KLHDC10: variants seen among roughly 807,000 people sequenced by gnomAD.
The protein encoded by KLHDC10 is kelch domain containing 10.
In KLHDC10, 24 loss-of-function variants were observed where a neutral mutation model predicts 56.1. The observed-to-expected ratio is 0.43, with a 90% CI of 0.31 to 0.60. KLHDC10 has a LOEUF of 0.60. KLHDC10 is among the 20% of genes least tolerant of loss of function. The pLI, the probability that KLHDC10 is intolerant of heterozygous loss-of-function variation, is 0.11. For synonymous variants in KLHDC10, 188 were observed against 207.1 expected, an observed-to-expected ratio of 0.91 and a Z score of 0.79; for missense variants, 349 against 567.0, an observed-to-expected ratio of 0.62 and a Z score of 3.91.
chr7:130,124,662 TTTTGTGTTGG>T, intron 6 of KLHDC10, 127 bp downstream of exon 6: 1 of 580,170 alleles, frequency 1.7e-6, no homozygotes, highest in Non-Finnish European at 3.1e-6. Context: ...TTAACACCTA[TTTTGTGTTGG>T]ATGCACTTTA....
rs1398659408 is a variant in KLHDC10, at chr7:130,116,872, A to C, written c.475+206A>C. Among the ~76,000 whole-genome samples the C allele has an allele frequency of 6.6e-6, 1 of 152,212 alleles. No homozygotes were observed. The highest frequency in any genetic ancestry group is 6.5e-5 in the Admixed American group (1 of 15,278). ...GAATTCAGCTTGTCAGGTGAGTTTTAGCTTTAATTTCCTAACTTGCAAAAT... is the reference window on the plus strand; with the variant it reads ...GAATTCAGCTTGTCAGGTGAGTTTTCGCTTTAATTTCCTAACTTGCAAAAT... On this transcript the variant is annotated intron_variant, in intron 3 of 9. Coordinates refer to ENST00000335420, the MANE Select transcript of KLHDC10 (RefSeq NM_014997.4). This position sits in a 1 kb window ranked among gnomAD's most constrained non-coding sequence, Gnocchi z 4.8.
rs1235712637 is a variant in KLHDC10 at position 130,108,623 on chromosome 7, G to A, written c.254-7822G>A. On this transcript the variant is annotated intron_variant, in intron 2 of 9. Coordinates refer to ENST00000335420, the MANE Select transcript of KLHDC10 (RefSeq NM_014997.4). Reference sequence around the variant, plus strand: ...TGGTCCCAGCACTCATCAGGATGCTGAGGTGGAAGGATCGCTTGAGCTCGG... The same window carrying A: ...TGGTCCCAGCACTCATCAGGATGCTAAGGTGGAAGGATCGCTTGAGCTCGG... 2.7e-5 allele frequency among the ~76,000 whole-genome samples: 4 copies of A among 150,260 alleles called. No individual in the cohort carries two copies. The East Asian group carries it at 7.9e-4, about 29-fold the overall frequency.
intron 1 of KLHDC10, among the ~76,000 whole-genome samples, chr7:130,088,212 T>C (rs1335192363): frequency 6.6e-6 from 1 of 152,208 alleles, no homozygotes; most frequent in Non-Finnish European, 1.5e-5. Context: ...TGGAAGGCAT[T>C]GCATTTGCCA....
rs1796393241 is a variant in KLHDC10, at chr7:130,131,026, A to G, written c.*280A>G. The stretch of plus-strand genomic sequence containing the variant: ...CGATGGAGTTAAGGGAAAGCCTGAA[A>G]GTACCTTAATAATGTTATTAATCAA... On this transcript the variant is annotated 3_prime_UTR_variant, in exon 10 of 10. Transcript: ENST00000335420. The G allele has an allele frequency of 2.9e-6, 1 of 341,838 alleles. No individual in the cohort carries two copies. Among genetic ancestry groups the G allele is most frequent in the African/African-American group, 2.0e-5 (1 of 49,438 alleles). The allele number at this position is 341,838 out of a possible 1,614,324, so 21.2% of individuals were successfully genotyped here. A position where few individuals can be genotyped will look rare whatever the true frequency, so the allele number is the denominator to read the frequency against.
At position 130,130,676 on chromosome 7, in the gene KLHDC10, T is replaced by C; in HGVS notation, c.1259T>C (p.Leu420Pro). The C allele has an allele frequency of 1.2e-6, 2 of 1,614,124 alleles. No individual in the cohort carries two copies. The highest frequency in any genetic ancestry group is 1.7e-6 in the Non-Finnish European group (2 of 1,180,016). ...WEKLLAAFPNLANLSRTQLLH... is the reference protein window; with the variant it reads ...WEKLLAAFPNPANLSRTQLLH... ...AAGCTGCTTGCGGCCTTCCCTAACC[T>C]TGCAAACCTCTCCCGAACACAACTT... is the stretch of plus-strand genomic sequence containing the variant. Residue 420 changes from leucine (L) to proline (P), a missense_variant, in exon 10 of 10, where the codon CTT becomes CCT. By Grantham distance (98) the Leu-to-Pro change is moderately conservative. Transcript: ENST00000335420. The surrounding 1 kb of genome is among the most constrained non-coding windows in gnomAD (Gnocchi z 4.2).
intron 1 of KLHDC10, among the ~76,000 whole-genome samples, chr7:130,079,159 G>C (rs1795562684): frequency 2.0e-5 from 3 of 151,816 alleles, no homozygotes. Context: ...CTGGGTTCAA[G>C]TGATTCTCCT....
chr7:130,128,868 T>A, intron 8 of KLHDC10, among the ~76,000 whole-genome samples: 1 of 67,028 alleles, frequency 1.5e-5, no homozygotes. Context: ...AGTGAGACCT[T>A]GTCTCTTAAA....
chr7:130,079,632 G>A (rs919755599), intron 1 of KLHDC10, among the ~76,000 whole-genome samples: 4 of 151,982 alleles, frequency 2.6e-5, no homozygotes, highest in Non-Finnish European at 4.4e-5. Context: ...CCTCATAGGC[G>A]TTTTCATTTT....
chr7:130,085,602 C>T (rs7806020), intron 1 of KLHDC10, among the ~76,000 whole-genome samples: 53,766 of 151,250 alleles, frequency 0.36, 10,636 homozygotes, highest in Non-Finnish European at 0.44. Context: ...TGGGAGGCTG[C>T]GGTGGGTGGA....
intron 2 of KLHDC10, among the ~76,000 whole-genome samples, chr7:130,099,753 T>C (rs1263317949): frequency 5.9e-5 from 9 of 152,162 alleles, no homozygotes; most frequent in African/African-American, 2.2e-4. Flanking sequence ...AGGATCAGAT[T>C]TGGTTTTTTA....
chr7:130,128,934 A>C (rs1796358022), intron 8 of KLHDC10, among the ~76,000 whole-genome samples: 2 of 141,756 alleles, frequency 1.4e-5, no homozygotes, highest in African/African-American at 5.2e-5. Flanking sequence ...ACTAGCCAAA[A>C]CTTAAAAATC....
At chr7:130,107,511 T>TA (rs1466906978) in intron 2 of KLHDC10, among the ~76,000 whole-genome samples, 2 of 151,540 alleles carry the variant, frequency 1.3e-5, no homozygotes, top group African/African-American at 4.9e-5. Context: ...TACTTAGAAA[T>TA]AAAAAAACAA....
intron 2 of KLHDC10, among the ~76,000 whole-genome samples, chr7:130,110,734 T>G (rs547893770): frequency 6.6e-6 from 1 of 152,336 alleles, no homozygotes; most frequent in East Asian, 1.9e-4. Context: ...GTTAAATTGA[T>G]TAATCATTTA....
At chr7:130,127,529 C>A in intron 8 of KLHDC10, 78 bp downstream of exon 8, 2 of 1,012,798 alleles carry the variant, frequency 2.0e-6, no homozygotes, top group Non-Finnish European at 3.1e-6. Context: ...TAAGATAGCC[C>A]CCTCAAAAGA....
At position 130,125,892 on chromosome 7, in the gene KLHDC10, G is replaced by A. The variant is rs576518672; in HGVS notation, c.892G>A (p.Ala298Thr). Residue 298 changes from alanine to threonine, a missense_variant, in exon 7 of 10, where the codon GCC becomes ACC. This residue lies in a region of KLHDC10 where 245 missense variants were observed against 470.1 expected (regional missense o/e 0.52). Coordinates refer to ENST00000335420, the MANE Select transcript of KLHDC10 (RefSeq NM_014997.4). ...KIHAYNLETN[A>T]WEEIATKPHE... The stretch of plus-strand genomic sequence containing the variant: ...CCATGCATACAACCTTGAAACGAAT[G>A]CCTGGGAGGAAATTGCAACAAAACC... 1.3e-5 allele frequency: 21 copies of A among 1,602,344 alleles called. No individual in the cohort carries two copies. Among genetic ancestry groups the A allele is most frequent in the Non-Finnish European group, 1.8e-5 (21 of 1,177,064 alleles).
rs118121042 is a variant in KLHDC10, at chr7:130,101,693, G to A, written c.253+4686G>A. ...CGATTAAGACTGGAGGAAGAAGGCC[G>A]GGTGCGGCGGCTCACACCTGTAATC... is the stretch of plus-strand genomic sequence containing the variant. On this transcript the variant is annotated intron_variant, in intron 2 of 9. Coordinates refer to ENST00000335420, the MANE Select transcript of KLHDC10 (RefSeq NM_014997.4). Among the ~76,000 whole-genome samples, 339 of 152,214 alleles carry A rather than the reference G, an allele frequency of 2.2e-3. 2 individuals carry two copies. The highest frequency in any genetic ancestry group is 4.0e-3 in the Non-Finnish European group (271 of 67,994).
intron 1 of KLHDC10, among the ~76,000 whole-genome samples, chr7:130,090,086 G>A (rs904751066): frequency 6.6e-6 from 1 of 152,096 alleles, no homozygotes; most frequent in Non-Finnish European, 1.5e-5. Context: ...GTTTCTCCAT[G>A]TTGAGGCTGG....
rs1796232041 is a variant in KLHDC10, at chr7:130,120,343, C to T, written c.476-406C>T. ...CCTAGCAATGAACTATGTGATAGAG[C>T]CCATATAGTGGAATTAGATCTTTTT... On this transcript the variant is annotated intron_variant, in intron 3 of 9. Transcript: ENST00000335420. The surrounding 1 kb of genome is among the most constrained non-coding windows in gnomAD (Gnocchi z 5.1). Among the ~76,000 whole-genome samples, 1 of 152,108 alleles carries T rather than the reference C, an allele frequency of 6.6e-6. No homozygotes were observed. Among genetic ancestry groups the T allele is most frequent in the Non-Finnish European group, 1.5e-5 (1 of 68,030 alleles).
At chr7:130,102,662 C>T (rs1274571792) in intron 2 of KLHDC10, among the ~76,000 whole-genome samples, 1 of 151,938 alleles carries the variant, frequency 6.6e-6, no homozygotes, top group East Asian at 1.9e-4. Context: ...CCCATCTCTA[C>T]TAAAAATACT....
Sources: allele counts gnomAD v4.1 joint callset (sites outside exome capture counted in the v4.1 genomes callset), GRCh38; gene constraint gnomAD v4.1.1; regional missense constraint gnomAD v4.1.1; non-coding constraint Gnocchi (gnomAD v3.1); transcripts MANE v1.5; gene names NCBI Gene and HGNC (gene_info 2026-07-23, HGNC 2026-07-21).